The following MTRR variants were observed in gnomAD, a reference collection of about 807,000 sequenced individuals.
MTRR encodes the protein 5-methyltetrahydrofolate-homocysteine methyltransferase reductase, also known as methionine synthase reductase.
In MTRR, 63 loss-of-function variants were observed where a neutral mutation model predicts 79.2. The ratio of observed to expected loss-of-function variants is 0.80; its 90% CI spans 0.65 to 0.98. MTRR has a LOEUF of 0.98. Among genes scored for constraint, MTRR ranks in the 50% least tolerant of loss-of-function variants. The probability of loss-of-function intolerance (pLI) is 0.00; values close to 1 mark genes in which losing one functional copy is unlikely to be tolerated. For synonymous variants in MTRR, 355 were observed against 313.3 expected, an observed-to-expected ratio of 1.13 and a Z score of -1.41; for missense variants, 895 against 839.6, an observed-to-expected ratio of 1.07 and a Z score of -0.82.
At chr5:7,876,621 C>T (rs879785481) in intron 4 of MTRR, among the ~76,000 whole-genome samples, 12 of 152,338 alleles carry the variant, frequency 7.9e-5, no homozygotes, top group Admixed American at 3.9e-4. Context: ...TGATGTGCCA[C>T]CACACTAAAT....
chr5:7,875,443 A>G (rs961707248), intron 4 of MTRR, 68 bp downstream of exon 4: 64 of 1,314,196 alleles, frequency 4.9e-5, no homozygotes, highest in Non-Finnish European at 6.4e-5. Flanking sequence ...TTTGTAAAAC[A>G]TGTCAGCTTT....
chr5:7,877,546 G>A (rs1734786097), intron 4 of MTRR, among the ~76,000 whole-genome samples: 1 of 150,046 alleles, frequency 6.7e-6, no homozygotes, highest in African/African-American at 2.5e-5. Context: ...GATGGAATGA[G>A]CATTTGCAGC....
chr5:7,868,888 C>T (rs1483780716), upstream of MTRR: 1 of 576,400 alleles, frequency 1.7e-6, no homozygotes, highest in Non-Finnish European at 3.1e-6. Flanking sequence ...CGCTGAGACA[C>T]GGGCCGGGCG....
Position 7,861,711 on chromosome 5 carries a change from T to C in MTRR, n.392-240T>C, listed in dbSNP as rs920537240. 2.7e-5 allele frequency: 42 copies of C among 1,568,740 alleles called. No homozygotes were observed. The East Asian group carries it at 9.0e-4, about 33-fold the overall frequency. ...GATACCCTCACAAACACTATCTTCCTGTATTCATTCCTTTGCTTTGCTTTG... is the reference window on the plus strand; with the variant it reads ...GATACCCTCACAAACACTATCTTCCCGTATTCATTCCTTTGCTTTGCTTTG... On this transcript the variant is annotated intron_variant and non_coding_transcript_variant, in intron 1 of 3. Coordinates refer to the MTRR transcript ENST00000502509.
rs754672884 is a variant in MTRR, at chr5:7,899,894, CTTA to C, written c.1953-14_1953-12del. 11 of 1,614,024 alleles carry C rather than the reference CTTA, an allele frequency of 6.8e-6. No individual in the cohort carries two copies. The highest frequency in any genetic ancestry group is 1.3e-5 in the African/African-American group (1 of 75,046). On this transcript the variant is annotated splice_polypyrimidine_tract_variant and intron_variant, in intron 14 of 14. Coordinates refer to ENST00000440940, the MANE Select transcript of MTRR (RefSeq NM_002454.3). ...AAAATGCCTGTTTGTAAGCAGTCAT[CTTA>C]TTATTTTCTTTTCTAGAGATGCAAA... is the stretch of plus-strand genomic sequence containing the variant.
At chr5:7,858,743 T>TCC (rs2126583889) in intron 1 of MTRR, among the ~76,000 whole-genome samples, 1 of 152,072 alleles carries the variant, frequency 6.6e-6, no homozygotes, top group East Asian at 2.0e-4. Context: ...GCTACTCCAG[T>TCC]CGGCTCTCTT....
chr5:7,882,703 A>G (rs763415256), intron 5 of MTRR, among the ~76,000 whole-genome samples: 2 of 152,102 alleles, frequency 1.3e-5, no homozygotes, highest in Non-Finnish European at 2.9e-5. Flanking sequence ...TAGTGACACT[A>G]CCTGTATTTC....
chr5:7,875,701 C>T (rs1734430323), intron 4 of MTRR, among the ~76,000 whole-genome samples: 1 of 152,208 alleles, frequency 6.6e-6, no homozygotes, highest in Admixed American at 6.5e-5. Flanking sequence ...CGTGCATGTG[C>T]TTCTCTCTGC....
chr5:7,882,524 T>A (rs1735748615), intron 5 of MTRR, among the ~76,000 whole-genome samples: 1 of 152,196 alleles, frequency 6.6e-6, no homozygotes, highest in Non-Finnish European at 1.5e-5. Context: ...TGTTAAAATA[T>A]TTTGTTTTTA....
chr5:7,867,023 G>T (rs201282524), upstream of MTRR: 1 of 1,614,150 alleles, frequency 6.2e-7, no homozygotes, highest in East Asian at 2.2e-5. Context: ...ATGCTCTAGG[G>T]CTTTTGTAAA....
chr5:7,851,168 G>C (rs567730671), upstream of MTRR: 60 of 971,948 alleles, frequency 6.2e-5, no homozygotes, highest in African/African-American at 9.6e-4. Context: ...GCCGCCTGGC[G>C]ACCCGGAGCT....
In MTRR at chr5:7,895,739, C is replaced by T. The variant is rs757184514; in HGVS notation, c.1563C>T (p.Ser521=). ...DSGKALAPKI[S]ISPRTTNSFH... is the part of the protein sequence containing the mutation. The stretch of plus-strand genomic sequence containing the variant: ...CATTTGATGTAATATTTCAGATATC[C>T]ATCTCTCCTCGAACAACAAATTCTT... The change falls in exon 12 of 15, where the codon TCC becomes TCT. Residue 521 remains serine, a synonymous_variant. Coordinates refer to ENST00000440940, the MANE Select transcript of MTRR (RefSeq NM_002454.3). 20 of 1,613,776 alleles carry T rather than the reference C, an allele frequency of 1.2e-5. No individual in the cohort carries two copies. Among genetic ancestry groups the T allele is most frequent in the Middle Eastern group, 1.6e-4 (1 of 6,084 alleles).
At position 7,874,000 on chromosome 5, in the gene MTRR, A is replaced by G. The variant is rs148600682; in HGVS notation, c.283+474A>G. ...TAGCTAGGGGAGTTTTTACTAAATT[A>G]TATGACTTAGGCCCACCTCCAGTGA... is the stretch of plus-strand genomic sequence containing the variant. On this transcript the variant is annotated intron_variant, in intron 3 of 14. Coordinates refer to ENST00000440940, the MANE Select transcript of MTRR (RefSeq NM_002454.3). 1.1e-4 allele frequency among the ~76,000 whole-genome samples: 16 copies of G among 152,346 alleles called. No individual in the cohort carries two copies. In the East Asian group the frequency reaches 3.1e-3, roughly 29 times the overall value.
At chr5:7,895,105 A>G (rs769084661) in intron 11 of MTRR, among the ~76,000 whole-genome samples, 14 of 152,256 alleles carry the variant, frequency 9.2e-5, no homozygotes, top group Non-Finnish European at 1.6e-4. Context: ...TCTTGGTATC[A>G]GTATGACTTT....
chr5:7,890,298 C>T, intron 9 of MTRR: 1 of 985,298 alleles, frequency 1.0e-6, no homozygotes, highest in Non-Finnish European at 1.2e-6. Context: ...AATGCTAAGA[C>T]CGTGTTGCTG....
At chr5:7,864,443 C>T, upstream of MTRR, among the ~76,000 whole-genome samples, 1 of 152,012 alleles carries the variant, frequency 6.6e-6, no homozygotes, top group Non-Finnish European at 1.5e-5. Context: ...GACTACAGAA[C>T]ATTTAAAAAT....
chr5:7,870,304 T>A (rs1439518547), intron 1 of MTRR: 1 of 198,228 alleles, frequency 5.0e-6, no homozygotes, highest in Non-Finnish European at 1.0e-5. Flanking sequence ...TTAATATAGT[T>A]TTTACTTTTA....
At chr5:7,886,239 G>T (rs1017530834) in intron 7 of MTRR, among the ~76,000 whole-genome samples, 6 of 151,922 alleles carry the variant, frequency 3.9e-5, no homozygotes, top group Admixed American at 6.6e-5. Flanking sequence ...ATAATTAAGA[G>T]AAGTTATTTA....
chr5:7,871,533 A>T (rs1747997515), intron 2 of MTRR, among the ~76,000 whole-genome samples: 1 of 152,212 alleles, frequency 6.6e-6, no homozygotes. Flanking sequence ...AATTCAGGCG[A>T]TAACAGTTGG....
Sources: allele counts gnomAD v4.1 joint callset (sites outside exome capture counted in the v4.1 genomes callset), GRCh38; gene constraint gnomAD v4.1.1; transcripts MANE v1.5; gene names NCBI Gene and HGNC (gene_info 2026-07-23, HGNC 2026-07-21).